Variants in ANAPC1 observed in about 807,000 individuals in gnomAD.
The protein encoded by ANAPC1 is anaphase promoting complex subunit 1.
In ANAPC1, 36 loss-of-function variants were observed where a neutral mutation model predicts 208.0. The ratio of observed to expected loss-of-function variants is 0.17; its 90% CI spans 0.13 to 0.23. The LOEUF (loss-of-function observed/expected upper bound fraction) is 0.23, where lower values mean the gene tolerates loss of function less well. ANAPC1 is among the 10% of genes least tolerant of loss of function. The probability of loss-of-function intolerance (pLI) is 1.00; values close to 1 mark genes in which losing one functional copy is unlikely to be tolerated. For synonymous variants in ANAPC1, 378 were observed against 695.2 expected, an observed-to-expected ratio of 0.54 and a Z score of 7.18; for missense variants, 942 against 2,011.6, an observed-to-expected ratio of 0.47 and a Z score of 10.17.
chr2:111,870,308 A>G (rs1350448608), intron 6 of ANAPC1, among the ~76,000 whole-genome samples: 1 of 152,190 alleles, frequency 6.6e-6, no homozygotes, highest in African/African-American at 2.4e-5. Context: ...TTTTCCATAG[A>G]TGTCATACTA....
chr2:111,775,281 A>C lies in ANAPC1; in HGVS notation c.5584+1578T>G, dbSNP rs1369934749. 2.6e-5 allele frequency among the ~76,000 whole-genome samples: 4 copies of C among 152,190 alleles called. No individual in the cohort carries two copies. In the East Asian group the frequency reaches 7.7e-4, roughly 29 times the overall value. ...CTCTGTCTCAAAGAAAGAAAAAACAAAACCGACATTTATATAATATAAATT... is the reference window on the plus strand; with the variant it reads ...CTCTGTCTCAAAGAAAGAAAAAACACAACCGACATTTATATAATATAAATT... On this transcript the variant is annotated intron_variant, in intron 46 of 47. Transcript: ENST00000341068.
Position 111,852,198 on chromosome 2 carries a change from ACT to A in ANAPC1, c.1516-1290_1516-1289del, listed in dbSNP as rs1491492688. 4.3e-4 allele frequency among the ~76,000 whole-genome samples: 65 copies of A among 150,696 alleles called. No individual in the cohort carries two copies. The Middle Eastern group carries it at 0.014, about 32-fold the overall frequency. On this transcript the variant is annotated intron_variant, in intron 13 of 47. Transcript: ENST00000341068. ...AAAACTGAATAAAATTTATAATGCAACTAACAGAAGATTCTGAAAAAGTGAAG... is the reference window on the plus strand; with the variant it reads ...AAAACTGAATAAAATTTATAATGCAAAACAGAAGATTCTGAAAAAGTGAAG...
chr2:111,870,737 C>T (rs191727127), intron 6 of ANAPC1, among the ~76,000 whole-genome samples: 1 of 152,008 alleles, frequency 6.6e-6, no homozygotes, highest in Admixed American at 6.6e-5. Flanking sequence ...GTTGCATTTG[C>T]TTCTGGTGTT....
chr2:111,862,310 A>C (rs2104557506), intron 10 of ANAPC1, 79 bp downstream of exon 10: 1 of 1,301,166 alleles, frequency 7.7e-7, no homozygotes, highest in Admixed American at 3.0e-5. Flanking sequence ...ATTAAAAGGA[A>C]ACTTTAAACA....
intron 13 of ANAPC1, among the ~76,000 whole-genome samples, chr2:111,851,415 CT>C (rs10717050): frequency 0.58 from 88,127 of 151,544 alleles, 26,560 homozygotes; most frequent in South Asian, 0.69. Flanking sequence ...TTACTGAAGA[CT>C]TTTTTTTGCA....
rs181246140 is a variant in ANAPC1, at chr2:111,834,709, G to C, written c.2279C>G (p.Pro760Arg). 1.4e-4 allele frequency: 231 copies of C among 1,613,552 alleles called. No homozygotes were observed. Among genetic ancestry groups the C allele is most frequent in the Non-Finnish European group, 1.9e-4 (225 of 1,179,794 alleles). ...AAGGTGAAGAACGAAAAAAATTGCAGGTATGTGAGTAAAGAGAAGTGTAGA... is the reference window on the plus strand; with the variant it reads ...AAGGTGAAGAACGAAAAAAATTGCACGTATGTGAGTAAAGAGAAGTGTAGA... ...DSSTLLFTHI[P>R]AIFFVLHLVY... Residue 760 changes from proline to arginine, a missense_variant, in exon 19 of 48, where the codon CCT becomes CGT. Physicochemically the swap from Pro to Arg is moderately radical, Grantham distance 103. Coordinates refer to ENST00000341068, the MANE Select transcript of ANAPC1 (RefSeq NM_022662.4).
intron 3 of ANAPC1, among the ~76,000 whole-genome samples, chr2:111,877,783 C>CA (rs1683096566): frequency 6.6e-6 from 1 of 152,004 alleles, no homozygotes; most frequent in East Asian, 1.9e-4. Flanking sequence ...GACTCCATCT[C>CA]AAAAAACAAA....
chr2:111,860,879 T>C (rs534818316), intron 10 of ANAPC1, among the ~76,000 whole-genome samples: 25 of 152,134 alleles, frequency 1.6e-4, no homozygotes, highest in African/African-American at 4.8e-4. Flanking sequence ...GCCTATATAC[T>C]ACATGTACAC....
intron 34 of ANAPC1, among the ~76,000 whole-genome samples, chr2:111,796,762 T>G (rs1434186756): frequency 8.7e-6 from 1 of 115,370 alleles, no homozygotes; most frequent in Non-Finnish European, 1.8e-5. Flanking sequence ...AACGCTAGGT[T>G]GCTCACTACA....
rs755450793 is a variant in ANAPC1 at position 111,824,961 on chromosome 2, C to G, written c.2812+5G>C. On this transcript the variant is annotated splice_donor_5th_base_variant and intron_variant, in intron 24 of 47. Transcript: ENST00000341068. Reference sequence around the variant, plus strand: ...CTAGTTAGGAGGTAACAAAGAAGCTCTCACCTACATTAGTCATCCAGACAA... The same window carrying G: ...CTAGTTAGGAGGTAACAAAGAAGCTGTCACCTACATTAGTCATCCAGACAA... The G allele has an allele frequency of 6.2e-7, 1 of 1,613,882 alleles. No homozygotes were observed. The highest frequency in any genetic ancestry group is 8.5e-7 in the Non-Finnish European group (1 of 1,179,852).
downstream of ANAPC1, chr2:111,766,691 G>A: frequency 3.4e-6 from 1 of 294,232 alleles, no homozygotes; most frequent in Non-Finnish European, 7.2e-6. Flanking sequence ...ATTTTCACAT[G>A]CTCTGGCTTC....
Position 111,838,234 on chromosome 2 carries a change from C to T in ANAPC1, c.2115+204G>A, listed in dbSNP as rs1426397195. On this transcript the variant is annotated intron_variant, in intron 18 of 47. Coordinates refer to ENST00000341068, the MANE Select transcript of ANAPC1 (RefSeq NM_022662.4). ...CCCAAACTGAAATCATGCAGTAATACATGTATTAATTTTTAGATAATCATT... is the reference window on the plus strand; with the variant it reads ...CCCAAACTGAAATCATGCAGTAATATATGTATTAATTTTTAGATAATCATT... 2.6e-5 allele frequency among the ~76,000 whole-genome samples: 4 copies of T among 152,076 alleles called. No individual in the cohort carries two copies. In the East Asian group the frequency reaches 7.7e-4, roughly 29 times the overall value.
chr2:111,855,138 G>T (rs1681629415), intron 13 of ANAPC1, among the ~76,000 whole-genome samples: 1 of 152,148 alleles, frequency 6.6e-6, no homozygotes, highest in Non-Finnish European at 1.5e-5. Flanking sequence ...ATATAGTGAG[G>T]CAGGAGGAGA....
intron 3 of ANAPC1, among the ~76,000 whole-genome samples, chr2:111,874,430 C>A (rs1201328702): frequency 1.3e-5 from 2 of 152,068 alleles, no homozygotes; most frequent in African/African-American, 2.4e-5. Flanking sequence ...ACAATACTCC[C>A]CATTTCCCAA....
At chr2:111,830,041 G>A (rs1680050208) in intron 21 of ANAPC1, among the ~76,000 whole-genome samples, 1 of 152,086 alleles carries the variant, frequency 6.6e-6, no homozygotes, top group South Asian at 2.1e-4. Flanking sequence ...CTGCACTCTA[G>A]CCTAGGCGAC....
intron 6 of ANAPC1, among the ~76,000 whole-genome samples, chr2:111,869,283 C>T (rs4848210): frequency 0.58 from 87,473 of 151,714 alleles, 26,268 homozygotes; most frequent in South Asian, 0.69. Context: ...TTTTGCTCAT[C>T]GCCCAGCTGG....
At chr2:111,791,351 C>T (rs1422657187) in intron 38 of ANAPC1, among the ~76,000 whole-genome samples, 1 of 149,796 alleles carries the variant, frequency 6.7e-6, no homozygotes, top group Non-Finnish European at 1.5e-5. Flanking sequence ...TAAAATGGTA[C>T]AAGTGCACTG....
At chr2:111,853,998 G>C (rs1286115865) in intron 13 of ANAPC1, among the ~76,000 whole-genome samples, 2 of 152,142 alleles carry the variant, frequency 1.3e-5, no homozygotes, top group Admixed American at 1.3e-4. Context: ...TTACAGGTGT[G>C]AGCTGCCACG....
At chr2:111,839,819 G>A (rs1033660140) in intron 17 of ANAPC1, among the ~76,000 whole-genome samples, 1 of 152,122 alleles carries the variant, frequency 6.6e-6, no homozygotes, top group Non-Finnish European at 1.5e-5. Context: ...CTGGAGTTAT[G>A]AGAAAGTAGA....
Sources: allele counts gnomAD v4.1 joint callset (sites outside exome capture counted in the v4.1 genomes callset), GRCh38; gene constraint gnomAD v4.1.1; transcripts MANE v1.5; gene names NCBI Gene and HGNC (gene_info 2026-07-23, HGNC 2026-07-21).